Variants in BAZ1A observed in about 807,000 individuals in gnomAD.
The protein encoded by BAZ1A is bromodomain adjacent to zinc finger domain 1A, also known as bromodomain adjacent to zinc finger domain protein 1A.
A neutral mutation model predicts 185.2 loss-of-function variants in BAZ1A; 50 were observed. The observed-to-expected ratio is 0.27, with a 90% CI of 0.22 to 0.34. The LOEUF is 0.34. BAZ1A is among the 10% of genes least tolerant of loss of function. The pLI, the probability that BAZ1A is intolerant of heterozygous loss-of-function variation, is 1.00. For synonymous variants in BAZ1A, 571 were observed against 615.6 expected, an observed-to-expected ratio of 0.93 and a Z score of 1.07; for missense variants, 1,356 against 1,839.9, an observed-to-expected ratio of 0.74 and a Z score of 4.81.
Position 34,799,729 on chromosome 14 carries a change from A to G in BAZ1A, c.1128+495T>C, listed in dbSNP as rs868656831. ...CATGTTCAAGCGATTCTCCTGCCTC[A>G]GCCTCCTTCGTAGTTGGGATTACAG... On this transcript the variant is annotated intron_variant, in intron 9 of 26. Coordinates refer to ENST00000360310, the MANE Select transcript of BAZ1A (RefSeq NM_013448.3). Among the ~76,000 whole-genome samples the G allele has an allele frequency of 2.6e-5, 4 of 151,964 alleles. No individual in the cohort carries two copies. In the South Asian group the frequency reaches 8.3e-4, roughly 32 times the overall value.
intron 3 of BAZ1A, among the ~76,000 whole-genome samples, chr14:34,845,859 CAAAAAAAAAA>C (rs3062591): frequency 5.2e-5 from 6 of 115,222 alleles, no homozygotes; most frequent in East Asian, 2.6e-4. Flanking sequence ...GACTCTGTCT[CAAAAAAAAAA>C]AAAAAAAAAA....
chr14:34,836,047 TTA>T (rs2042324600), intron 3 of BAZ1A, among the ~76,000 whole-genome samples: 1 of 151,788 alleles, frequency 6.6e-6, no homozygotes, highest in Admixed American at 6.6e-5. Flanking sequence ...CCATTTAAAT[TTA>T]TATCTCAAAA....
chr14:34,803,193 A>G (rs1366860922), intron 6 of BAZ1A, among the ~76,000 whole-genome samples: 1 of 152,116 alleles, frequency 6.6e-6, no homozygotes, highest in Non-Finnish European at 1.5e-5. Flanking sequence ...ATCCTGCCCA[A>G]TATGGTGAAA....
At chr14:34,783,516 A>G (rs1880190560) in intron 15 of BAZ1A, among the ~76,000 whole-genome samples, 1 of 151,766 alleles carries the variant, frequency 6.6e-6, no homozygotes, top group Non-Finnish European at 1.5e-5. Flanking sequence ...TTGTATTTTT[A>G]GTAGAGATGG....
intron 4 of BAZ1A, among the ~76,000 whole-genome samples, chr14:34,811,580 C>A (rs543264711): frequency 2.0e-5 from 3 of 152,060 alleles, no homozygotes; most frequent in Non-Finnish European, 4.4e-5. Flanking sequence ...CCTACCTTGG[C>A]GTCCCAAAGT....
At chr14:34,864,012 G>A (rs1186014935) in intron 2 of BAZ1A, among the ~76,000 whole-genome samples, 2 of 151,550 alleles carry the variant, frequency 1.3e-5, no homozygotes, top group Non-Finnish European at 2.9e-5. Context: ...GTGTAGAGAT[G>A]GGGTCTCACT....
chr14:34,837,603 A>G (rs1203588189), intron 3 of BAZ1A, among the ~76,000 whole-genome samples: 2 of 152,178 alleles, frequency 1.3e-5, no homozygotes, highest in Non-Finnish European at 2.9e-5. Flanking sequence ...CATATTTCTA[A>G]TTAGTTTCCA....
In BAZ1A at chr14:34,801,201, A is replaced by C. The variant is rs770943934; in HGVS notation, c.862-8T>G. On this transcript the variant is annotated splice_region_variant and splice_polypyrimidine_tract_variant and intron_variant, in intron 7 of 26. Coordinates refer to ENST00000360310, the MANE Select transcript of BAZ1A (RefSeq NM_013448.3). ...ATTAGCAACATTGTCCTCCTAAAAA[A>C]CAAACCAAAATAGTATGCCTGGTTC... is the stretch of plus-strand genomic sequence containing the variant. 11 of 1,585,944 alleles carry C rather than the reference A, an allele frequency of 6.9e-6. No individual in the cohort carries two copies. The highest frequency in any genetic ancestry group is 1.4e-5 in the African/African-American group (1 of 73,864).
intron 16 of BAZ1A, among the ~76,000 whole-genome samples, 172 bp downstream of exon 16, chr14:34,782,947 T>G (rs1210237601): frequency 6.6e-6 from 1 of 152,214 alleles, no homozygotes; most frequent in Non-Finnish European, 1.5e-5. Context: ...AGGGGACAGA[T>G]AAATATATTG....
At chr14:34,821,840 C>T (rs1329321991) in intron 4 of BAZ1A, among the ~76,000 whole-genome samples, 1 of 151,746 alleles carries the variant, frequency 6.6e-6, no homozygotes, top group Non-Finnish European at 1.5e-5. Context: ...CAAAATTAGC[C>T]GGGTGTGGTG....
chr14:34,867,617 C>A (rs1426036034), intron 2 of BAZ1A, among the ~76,000 whole-genome samples: 2 of 152,198 alleles, frequency 1.3e-5, no homozygotes, highest in African/African-American at 4.8e-5. Flanking sequence ...ATGTTTGTGC[C>A]ATTTGTTTCC....
chr14:34,823,999 C>T (rs1040542146), intron 4 of BAZ1A, among the ~76,000 whole-genome samples: 9 of 151,820 alleles, frequency 5.9e-5, no homozygotes, highest in African/African-American at 2.2e-4. Context: ...ACTATAAATC[C>T]CACAAATTTT....
chr14:34,867,473 G>A (rs952661795), intron 2 of BAZ1A, among the ~76,000 whole-genome samples: 7 of 152,112 alleles, frequency 4.6e-5, no homozygotes, highest in African/African-American at 4.8e-5. Context: ...ACAGCTAAAC[G>A]CAGTGAAGTG....
chr14:34,833,003 C>T (rs1000803975), intron 3 of BAZ1A, among the ~76,000 whole-genome samples: 6 of 152,096 alleles, frequency 3.9e-5, no homozygotes, highest in African/African-American at 1.4e-4. Flanking sequence ...AATTCTGATA[C>T]ATGCTACAAT....
Position 34,759,064 on chromosome 14 carries a change from A to C in BAZ1A, c.4244-218T>G, listed in dbSNP as rs1886393981. On this transcript the variant is annotated intron_variant, in intron 24 of 26. Coordinates refer to ENST00000360310, the MANE Select transcript of BAZ1A (RefSeq NM_013448.3). ...TTAAAAATGTCCAATTGCATTAAAC[A>C]TTCATTGGGAACAGATTTTCAGAGT... Among the ~76,000 whole-genome samples the C allele has an allele frequency of 2.0e-5, 3 of 151,912 alleles. No individual in the cohort carries two copies. The South Asian group carries it at 6.2e-4, about 31-fold the overall frequency.
intron 14 of BAZ1A, among the ~76,000 whole-genome samples, chr14:34,784,671 C>T (rs1266256982): frequency 1.3e-5 from 2 of 151,678 alleles, no homozygotes; most frequent in Non-Finnish European, 2.9e-5. Context: ...GCGCCCGCCA[C>T]CACGCCTAGC....
intron 2 of BAZ1A, among the ~76,000 whole-genome samples, chr14:34,870,227 C>A (rs1217711044): frequency 6.6e-6 from 1 of 152,044 alleles, no homozygotes; most frequent in African/African-American, 2.4e-5. Context: ...GCTAAGTAGA[C>A]AAAAGATAAA....
At chr14:34,796,575 C>G (rs1444196109) in intron 9 of BAZ1A, among the ~76,000 whole-genome samples, 1 of 152,144 alleles carries the variant, frequency 6.6e-6, no homozygotes, top group Non-Finnish European at 1.5e-5. Context: ...CAGGCTATTT[C>G]TCTTACTCGG....
At chr14:34,832,211 C>CATATATATATATATATATATATATATAT (rs1181710627) in intron 3 of BAZ1A, among the ~76,000 whole-genome samples, 2 of 65,528 alleles carry the variant, frequency 3.1e-5, no homozygotes, top group Non-Finnish European at 7.1e-5. Flanking sequence ...CACACACACA[C>CATATATATATATATATATATATATATAT]ACACATATAT....
Sources: allele counts gnomAD v4.1 joint callset (sites outside exome capture counted in the v4.1 genomes callset), GRCh38; gene constraint gnomAD v4.1.1; transcripts MANE v1.5; gene names NCBI Gene and HGNC (gene_info 2026-07-23, HGNC 2026-07-21).